TTC27: variants seen among roughly 807,000 people sequenced by gnomAD.
TTC27 encodes tetratricopeptide repeat protein 27.
Under a neutral mutation model 115.9 loss-of-function variants are expected in TTC27, and 79 were observed. The ratio of observed to expected loss-of-function variants is 0.68; its 90% CI spans 0.57 to 0.82. The LOEUF (loss-of-function observed/expected upper bound fraction) is 0.82. TTC27 is among the 40% of genes least tolerant of loss of function. The probability of loss-of-function intolerance (pLI) is 0.00; values close to 1 mark genes in which losing one functional copy is unlikely to be tolerated. For missense variants in TTC27, 1,054 were observed against 993.1 expected (o/e 1.06, Z -0.82); for synonymous variants, 401 against 356.0 (o/e 1.13, Z -1.42).
intron 9 of TTC27, among the ~76,000 whole-genome samples, chr2:32,695,181 A>G (rs1453556552): frequency 6.6e-6 from 1 of 152,180 alleles, no homozygotes; most frequent in Non-Finnish European, 1.5e-5. Context: ...CCATTAAACA[A>G]TAACTCCCTT....
intron 10 of TTC27, among the ~76,000 whole-genome samples, chr2:32,725,446 A>G (rs1668077443): frequency 6.6e-6 from 1 of 152,132 alleles, no homozygotes; most frequent in Non-Finnish European, 1.5e-5. Flanking sequence ...GCCCCATGCA[A>G]GTCCGAAATC....
rs118087268 is a variant in TTC27 at position 32,787,532 on chromosome 2, T to C, written c.1998+383T>C. ...CACTTGTTCATTCATTTAACAAGCATTTACTGCATACCTTCAGATGGTATG... is the reference window on the plus strand; with the variant it reads ...CACTTGTTCATTCATTTAACAAGCACTTACTGCATACCTTCAGATGGTATG... On this transcript the variant is annotated intron_variant, in intron 16 of 19. Transcript: ENST00000317907. Among the ~76,000 whole-genome samples, 41 of 152,350 alleles carry C rather than the reference T, an allele frequency of 2.7e-4. No individual in the cohort carries two copies. In the East Asian group the frequency reaches 7.9e-3, roughly 29 times the overall value.
At chr2:32,660,936 A>G (rs938245397) in intron 5 of TTC27, among the ~76,000 whole-genome samples, 2 of 151,966 alleles carry the variant, frequency 1.3e-5, no homozygotes, top group African/African-American at 4.8e-5. Context: ...ATCTTGAGTT[A>G]ATTTTTGTAT....
chr2:32,731,627 C>A (rs1298965932), intron 10 of TTC27, among the ~76,000 whole-genome samples: 1 of 152,184 alleles, frequency 6.6e-6, no homozygotes, highest in Non-Finnish European at 1.5e-5. Flanking sequence ...GATCTTCCTA[C>A]TTTGGCCTCC....
chr2:32,812,383 G>A, intron 17 of TTC27, 121 bp from the exon 18 acceptor site: 1 of 702,830 alleles, frequency 1.4e-6, no homozygotes, highest in Non-Finnish European at 2.5e-6. Flanking sequence ...TAGACGCTGT[G>A]CTGTACAACA....
chr2:32,729,397 C>T (rs1419027276), intron 10 of TTC27, among the ~76,000 whole-genome samples: 1 of 152,078 alleles, frequency 6.6e-6, no homozygotes, highest in Non-Finnish European at 1.5e-5. Context: ...GGAGAGGGGA[C>T]ATCATTGCTT....
chr2:32,751,943 T>C (rs1669031934), intron 12 of TTC27, among the ~76,000 whole-genome samples: 1 of 152,210 alleles, frequency 6.6e-6, no homozygotes, highest in South Asian at 2.1e-4. Context: ...GTTATACATA[T>C]CAAGTTTGAA....
At chr2:32,689,172 T>C (rs1269857433) in intron 9 of TTC27, among the ~76,000 whole-genome samples, 1 of 152,106 alleles carries the variant, frequency 6.6e-6, no homozygotes, top group Non-Finnish European at 1.5e-5. Flanking sequence ...AGAAAGTAGA[T>C]CACAGATTGA....
chr2:32,647,280 T>C (rs974223095), intron 4 of TTC27, among the ~76,000 whole-genome samples: 6 of 152,166 alleles, frequency 3.9e-5, no homozygotes, highest in Non-Finnish European at 5.9e-5. Context: ...TCTTTTTGAC[T>C]GGATGTATCT....
chr2:32,814,522 T>G (rs1435093025), intron 18 of TTC27, among the ~76,000 whole-genome samples: 1 of 152,236 alleles, frequency 6.6e-6, no homozygotes, highest in Non-Finnish European at 1.5e-5. Context: ...TCTCTGTGTA[T>G]GAGTCTCTTC....
chr2:32,631,330 A>G (rs1559177714), intron 2 of TTC27, among the ~76,000 whole-genome samples: 2 of 151,976 alleles, frequency 1.3e-5, no homozygotes, highest in Non-Finnish European at 2.9e-5. Flanking sequence ...CAAAAAACAT[A>G]CTTTCAATCT....
At chr2:32,664,522 C>A in intron 6 of TTC27, 55 bp downstream of exon 6, 1 of 1,476,666 alleles carries the variant, frequency 6.8e-7, no homozygotes, top group Non-Finnish European at 9.2e-7. Flanking sequence ...AAACTATATA[C>A]ATTGGCAGTT....
At chr2:32,694,713 C>T (rs1379182124) in intron 9 of TTC27, among the ~76,000 whole-genome samples, 3 of 147,992 alleles carry the variant, frequency 2.0e-5, no homozygotes. Context: ...TGCTCTGTTG[C>T]CCAAGCTGAA....
At chr2:32,798,620 G>A (rs559921090) in intron 16 of TTC27, among the ~76,000 whole-genome samples, 21 of 150,094 alleles carry the variant, frequency 1.4e-4, no homozygotes, top group African/African-American at 5.2e-4. Context: ...CAGGAGAATG[G>A]CATGAACCCG....
intron 8 of TTC27, among the ~76,000 whole-genome samples, chr2:32,672,819 C>A (rs1229417335): frequency 6.6e-6 from 1 of 152,040 alleles, no homozygotes. Context: ...AAGGGCAGGA[C>A]AATACATATA....
At chr2:32,817,163 G>A (rs978484185) in intron 18 of TTC27, among the ~76,000 whole-genome samples, 1 of 151,796 alleles carries the variant, frequency 6.6e-6, no homozygotes, top group African/African-American at 2.4e-5. Flanking sequence ...TTGGGAGGCT[G>A]CAGCAGGAGA....
At position 32,650,184 on chromosome 2, in the gene TTC27, G is replaced by C; in HGVS notation, c.591G>C (p.Glu197Asp). The change falls in exon 5 of 20, where the codon GAG (glutamate) becomes GAC (aspartate). Residue 197 changes from glutamate to aspartate, a missense_variant. By Grantham distance (45) the Glu-to-Asp change is conservative. Coordinates refer to ENST00000317907, the MANE Select transcript of TTC27 (RefSeq NM_017735.5). ...TGAATATTCATCAGCATTTGCTTGA[G>C]GAACGCTCACCTCTGCTTTTTACTC... ...RCVNIHQHLL[E>D]ERSPLLFTLA... The C allele has an allele frequency of 6.2e-7, 1 of 1,613,848 alleles. No homozygotes were observed. The highest frequency in any genetic ancestry group is 8.5e-7 in the Non-Finnish European group (1 of 1,179,880).
chr2:32,678,459 G>A (rs1023191540), intron 8 of TTC27, among the ~76,000 whole-genome samples: 4 of 150,908 alleles, frequency 2.7e-5, no homozygotes, highest in Non-Finnish European at 4.4e-5. Flanking sequence ...ACAGAGTCTC[G>A]CTCTGTTGCC....
Position 32,781,174 on chromosome 2 carries a change from G to A in TTC27, c.1780-1452G>A, listed in dbSNP as rs779938578. ...GCAGATAAAACTGGTTTCAGGTTAC[G>A]ACAAGCAGTTCCAGCAGTCAGGCTG... is the stretch of plus-strand genomic sequence containing the variant. On this transcript the variant is annotated intron_variant, in intron 14 of 19. Transcript: ENST00000317907. Among the ~76,000 whole-genome samples the A allele has an allele frequency of 4.6e-5, 7 of 152,282 alleles. No homozygotes were observed. In the East Asian group the frequency reaches 5.8e-4, roughly 13 times the overall value.
Sources: gnomAD v4.1 joint callset for allele counts (sites outside exome capture counted in the v4.1 genomes callset) on GRCh38, gnomAD v4.1.1 for gene constraint, MANE v1.5 for transcripts, NCBI Gene and HGNC (gene_info 2026-07-23, HGNC 2026-07-21) for gene names.